HSF2BP: variants seen among roughly 807,000 people sequenced by gnomAD.
HSF2BP encodes heat shock factor 2-binding protein.
HSF2BP carries 35 observed loss-of-function variants against 35.0 expected under a neutral mutation model. The observed-to-expected ratio is 1.00, with a 90% CI of 0.76 to 1.32. HSF2BP has a LOEUF of 1.32. HSF2BP is among the 40% of genes most tolerant of loss of function. The pLI is 0.00. For missense variants in HSF2BP, 326 were observed against 321.7 expected (o/e 1.01, Z -0.10); for synonymous variants, 114 against 117.4 (o/e 0.97, Z 0.18).
chr21:43,614,187 G>C (rs1439158753), intron 6 of HSF2BP, among the ~76,000 whole-genome samples: 1 of 151,890 alleles, frequency 6.6e-6, no homozygotes, highest in Non-Finnish European at 1.5e-5. Flanking sequence ...AACACAGCAA[G>C]ACCCTATCTC....
intron 8 of HSF2BP, among the ~76,000 whole-genome samples, chr21:43,588,170 G>C (rs2081880467): frequency 6.6e-6 from 1 of 152,152 alleles, no homozygotes; most frequent in Non-Finnish European, 1.5e-5. Flanking sequence ...CTGAGGTCAG[G>C]AGTTTGAGAC....
At chr21:43,648,293 C>A (rs7275260) in intron 3 of HSF2BP, among the ~76,000 whole-genome samples, 2,236 of 152,318 alleles carry the variant, frequency 0.015, 51 homozygotes, top group African/African-American at 0.049. Context: ...CCGCAGGAAA[C>A]TGGAGGACTA....
chr21:43,625,897 C>G (rs1370825156), intron 6 of HSF2BP, among the ~76,000 whole-genome samples: 1 of 152,228 alleles, frequency 6.6e-6, no homozygotes, highest in South Asian at 2.1e-4. Flanking sequence ...ACTGCCTCAC[C>G]AGCATGTCAG....
chr21:43,604,098 C>T (rs1460434766), intron 7 of HSF2BP, among the ~76,000 whole-genome samples: 1 of 151,976 alleles, frequency 6.6e-6, no homozygotes, highest in African/African-American at 2.4e-5. Flanking sequence ...AAAGGCTAAA[C>T]AGGAGCCAGT....
At position 43,629,859 on chromosome 21, in the gene HSF2BP, T is replaced by C. The variant is rs150147076; in HGVS notation, c.574+463A>G. Among the ~76,000 whole-genome samples the C allele has an allele frequency of 2.2e-3, 330 of 152,328 alleles. 2 individuals are homozygous for C. Among genetic ancestry groups the C allele is most frequent in the Non-Finnish European group, 2.6e-3 (177 of 68,032 alleles). On this transcript the variant is annotated intron_variant, in intron 6 of 8. Transcript: ENST00000291560. ...TAAGGTTTGAGAGGGCTGACTCCAA[T>C]TTTGAAAGATGTTCTACTGTGGAAA...
In HSF2BP at chr21:43,610,207, C is replaced by T. The variant is rs138701598; in HGVS notation, c.692+3623G>A. Among the ~76,000 whole-genome samples the T allele has an allele frequency of 1.5e-3, 229 of 152,212 alleles. 2 individuals are homozygous for T. Among genetic ancestry groups the T allele is most frequent in the African/African-American group, 5.3e-3 (219 of 41,522 alleles). On this transcript the variant is annotated intron_variant, in intron 7 of 8. Coordinates refer to ENST00000291560, the MANE Select transcript of HSF2BP (RefSeq NM_007031.2). Reference sequence around the variant, plus strand: ...AAAGGAAAAACTGGAATGGTACAAACATGTGAAGAGCCTCAACCTCACTGG... The same window carrying T: ...AAAGGAAAAACTGGAATGGTACAAATATGTGAAGAGCCTCAACCTCACTGG...
rs189304971 is a variant in HSF2BP at position 43,615,468 on chromosome 21, T to G, written c.575-1521A>C. On this transcript the variant is annotated intron_variant, in intron 6 of 8. Transcript: ENST00000291560. ...ATGTTACCCGGCCAGCTTCATGAAC[T>G]CAGATCTTTGACATTACTATTTACT... is the stretch of plus-strand genomic sequence containing the variant. 4.6e-5 allele frequency among the ~76,000 whole-genome samples: 7 copies of G among 152,346 alleles called. No homozygotes were observed. The East Asian group carries it at 1.3e-3, about 29-fold the overall frequency.
At chr21:43,653,212 G>C (rs1027660825) in intron 3 of HSF2BP, among the ~76,000 whole-genome samples, 1 of 122,942 alleles carries the variant, frequency 8.1e-6, no homozygotes, top group African/African-American at 3.0e-5. Flanking sequence ...GAAGGGAAGG[G>C]AAGGGGAAGG....
intron 6 of HSF2BP, among the ~76,000 whole-genome samples, chr21:43,628,291 G>C (rs1035208112): frequency 6.6e-6 from 1 of 152,232 alleles, no homozygotes; most frequent in Non-Finnish European, 1.5e-5. Flanking sequence ...CAAAGTTCTC[G>C]ATAGAAATTA....
rs551429661 is a variant in HSF2BP, at chr21:43,604,895, A to G, written c.692+8935T>C. Among the ~76,000 whole-genome samples, 34 of 142,776 alleles carry G rather than the reference A, an allele frequency of 2.4e-4. 1 individual carries two copies. The highest frequency in any genetic ancestry group is 1.9e-3 in the Admixed American group (27 of 14,148). The allele number at this position is 142,776 out of a possible 152,430, so 93.7% of individuals were successfully genotyped here. ...ATACACACCATACACTACACACCAC[A>G]CACATCACACACACACCACAAAGAC... On this transcript the variant is annotated intron_variant, in intron 7 of 8. Coordinates refer to ENST00000291560, the MANE Select transcript of HSF2BP (RefSeq NM_007031.2).
chr21:43,649,958 T>A (rs73224905), intron 3 of HSF2BP, among the ~76,000 whole-genome samples: 2,056 of 152,324 alleles, frequency 0.013, 19 homozygotes, highest in Non-Finnish European at 0.018. Flanking sequence ...AAAACCACCA[T>A]CTGCAACTCC....
chr21:43,467,961 ACACCACACACACACCACACACACCACACC>A, the HSF2BP span, among the ~76,000 whole-genome samples: 1 of 39,550 alleles, frequency 2.5e-5, no homozygotes, highest in African/African-American at 1.1e-4. Flanking sequence ...CACCACACTT[ACACCACACACACACCACACACACCACACC>A]CACACACACC....
chr21:43,572,975 A>G (rs1317949157), intron 8 of HSF2BP, among the ~76,000 whole-genome samples: 1 of 152,258 alleles, frequency 6.6e-6, no homozygotes, highest in Non-Finnish European at 1.5e-5. Flanking sequence ...TAAATCTGTG[A>G]GAGTGAGAAG....
chr21:43,603,010 T>C (rs2082069803), intron 7 of HSF2BP, among the ~76,000 whole-genome samples: 1 of 151,558 alleles, frequency 6.6e-6, no homozygotes, highest in East Asian at 1.9e-4. Flanking sequence ...ACTGGTAAAA[T>C]CATAGGCAGC....
At chr21:43,641,847 T>G (rs2082640594) in intron 4 of HSF2BP, among the ~76,000 whole-genome samples, 1 of 140,862 alleles carries the variant, frequency 7.1e-6, no homozygotes, top group Non-Finnish European at 1.5e-5. Context: ...ATCCAGGAGG[T>G]GGAGGTTGCA....
intron 6 of HSF2BP, among the ~76,000 whole-genome samples, chr21:43,614,634 G>A (rs1475389757): frequency 6.6e-6 from 1 of 152,092 alleles, no homozygotes; most frequent in South Asian, 2.1e-4. Context: ...AATGGCATCC[G>A]TAATCTGAAA....
At chr21:43,587,391 C>T (rs868842899) in intron 8 of HSF2BP, among the ~76,000 whole-genome samples, 17 of 152,140 alleles carry the variant, frequency 1.1e-4, no homozygotes, top group African/African-American at 3.9e-4. Context: ...GATGGCCAGG[C>T]ACGGTAGCTT....
chr21:43,656,551 T>C (rs2082870655), intron 3 of HSF2BP, 36 bp downstream of exon 3: 1 of 1,583,928 alleles, frequency 6.3e-7, no homozygotes, highest in Middle Eastern at 1.7e-4. Context: ...AACAAATTAC[T>C]GTTACCACCA....
intron 6 of HSF2BP, among the ~76,000 whole-genome samples, chr21:43,622,701 T>C (rs773093717): frequency 8.5e-5 from 13 of 152,128 alleles, no homozygotes; most frequent in Middle Eastern, 3.4e-3. Context: ...AAGGGAGAAA[T>C]TGACTGCAGT....
Sources: gnomAD v4.1 joint callset for allele counts (sites outside exome capture counted in the v4.1 genomes callset) on GRCh38, gnomAD v4.1.1 for gene constraint, MANE v1.5 for transcripts, NCBI Gene and HGNC (gene_info 2026-07-23, HGNC 2026-07-21) for gene names.